The following OSBPL1A variants were observed in gnomAD, a reference collection of about 807,000 sequenced individuals.
The protein encoded by OSBPL1A is oxysterol-binding protein-related protein 1.
OSBPL1A carries 80 observed loss-of-function variants against 137.1 expected under a neutral mutation model. That is an observed-to-expected ratio of 0.58 (90% confidence interval 0.49 to 0.70). The LOEUF (loss-of-function observed/expected upper bound fraction) is 0.70, where lower values mean the gene tolerates loss of function less well. OSBPL1A is among the 30% of genes least tolerant of loss of function. The probability of loss-of-function intolerance (pLI) is 0.00; values close to 1 mark genes in which losing one functional copy is unlikely to be tolerated. For missense variants in OSBPL1A, 970 were observed against 1,129.4 expected (o/e 0.86, Z 2.02); for synonymous variants, 365 against 389.7 (o/e 0.94, Z 0.75).
intron 7 of OSBPL1A, among the ~76,000 whole-genome samples, chr18:24,332,108 G>A (rs1334673852): frequency 6.6e-6 from 1 of 152,024 alleles, no homozygotes; most frequent in Non-Finnish European, 1.5e-5. Flanking sequence ...AGGCATGGTG[G>A]CTTACATCTG....
chr18:24,358,368 G>C, intron 4 of OSBPL1A: 1 of 666,016 alleles, frequency 1.5e-6, no homozygotes, highest in Non-Finnish European at 2.7e-6. Flanking sequence ...CAGAAAGGCT[G>C]AGGCATCGCT....
In OSBPL1A at chr18:24,171,471, A is replaced by C. The variant is rs924168833; in HGVS notation, c.2229T>G (p.Phe743Leu). Residue 743 changes from phenylalanine (F) to leucine (L), a missense_variant, in exon 23 of 28, where the codon TTT (phenylalanine) becomes TTG (leucine). Transcript: ENST00000319481. ...CCTTACCAAAAAGGCCACATGGCTT[A>C]AAATTCAACACACATTTGTCCCCAG... ...HKTGDKCVLN[F>L]KPCGLFGKEL... 6.2e-7 allele frequency: 1 copy of C among 1,613,602 alleles called. No individual in the cohort carries two copies. Among genetic ancestry groups the C allele is most frequent in the Non-Finnish European group, 8.5e-7 (1 of 1,179,714 alleles).
rs2632427 is a variant in OSBPL1A, at chr18:24,293,742, G to C, written c.1174+9895C>G. Among the ~76,000 whole-genome samples, 422 of 152,244 alleles carry C rather than the reference G, an allele frequency of 2.8e-3. 3 individuals carry two copies. Among genetic ancestry groups the C allele is most frequent in the African/African-American group, 9.8e-3 (408 of 41,552 alleles). ...GAGGTGGGGGGCTGAGGGGTGGAAG[G>C]GGCTGGAAGGCTCTGCAGGTCATTA... On this transcript the variant is annotated intron_variant, in intron 14 of 27. Transcript: ENST00000319481.
chr18:24,373,073 G>GA (rs938224269), intron 2 of OSBPL1A, among the ~76,000 whole-genome samples: 77 of 151,652 alleles, frequency 5.1e-4, no homozygotes, highest in Non-Finnish European at 9.0e-4. Context: ...CTCAAAAAAA[G>GA]AAAAAAATTT....
chr18:24,168,341 T>C (rs1470707610), intron 24 of OSBPL1A, among the ~76,000 whole-genome samples: 1 of 152,170 alleles, frequency 6.6e-6, no homozygotes, highest in African/African-American at 2.4e-5. Flanking sequence ...AGGAACAATC[T>C]GAGAACAACA....
intron 17 of OSBPL1A, among the ~76,000 whole-genome samples, chr18:24,205,549 T>C (rs1291058209): frequency 6.6e-6 from 1 of 152,190 alleles, no homozygotes; most frequent in African/African-American, 2.4e-5. Context: ...ATATGGAAAT[T>C]GGTCAGTGAT....
chr18:24,271,982 G>GGGCGGGCGGCGGCAA lies in OSBPL1A; in HGVS notation c.1281+8845_1281+8859dup. On this transcript the variant is annotated intron_variant, in intron 15 of 27. Coordinates refer to ENST00000319481, the MANE Select transcript of OSBPL1A (RefSeq NM_080597.4). This position sits in a 1 kb window ranked among gnomAD's most constrained non-coding sequence, Gnocchi z 4.0. Reference sequence around the variant, plus strand: ...CCTCCGGGGCTCGCGGGGAGAGCGCGGGCGGGCGGCGGCAAGGCCTGCGGC... The same window carrying GGGCGGGCGGCGGCAA: ...CCTCCGGGGCTCGCGGGGAGAGCGCGGGCGGGCGGCGGCAAGGCGGGCGGCGGCAAGGCCTGCGGC... 1 of 981,892 alleles carries GGGCGGGCGGCGGCAA rather than the reference G, an allele frequency of 1.0e-6. No homozygotes were observed. Among genetic ancestry groups the GGGCGGGCGGCGGCAA allele is most frequent in the Non-Finnish European group, 1.2e-6 (1 of 828,710 alleles). 60.8% of individuals were successfully genotyped at this position (981,892 alleles called of 1,614,324 possible). A position where few individuals can be genotyped will look rare whatever the true frequency, so the allele number is the denominator to read the frequency against.
At chr18:24,268,814 C>T (rs979363858) in intron 15 of OSBPL1A, among the ~76,000 whole-genome samples, 3 of 152,186 alleles carry the variant, frequency 2.0e-5, no homozygotes, top group Non-Finnish European at 2.9e-5. Flanking sequence ...GTTCCTTTGA[C>T]CTCAATTACC....
intron 18 of OSBPL1A, among the ~76,000 whole-genome samples, chr18:24,186,032 C>A (rs1260425475): frequency 6.6e-6 from 1 of 152,130 alleles, no homozygotes; most frequent in Admixed American, 6.5e-5. Context: ...CGTGCCACTG[C>A]ATTCCAGCCT....
At chr18:24,243,256 C>A (rs915776875) in intron 15 of OSBPL1A, among the ~76,000 whole-genome samples, 1 of 152,234 alleles carries the variant, frequency 6.6e-6, no homozygotes, top group African/African-American at 2.4e-5. Context: ...TAAACAAGGA[C>A]TACAAAATTG....
At chr18:24,359,604 A>G (rs72886763) in intron 4 of OSBPL1A, among the ~76,000 whole-genome samples, 33,651 of 151,740 alleles carry the variant, frequency 0.22, 4,372 homozygotes, top group East Asian at 0.58. Flanking sequence ...TTGTGCCCAG[A>G]CGTTCAAGGC....
chr18:24,306,838 A>G (rs2090510313), intron 13 of OSBPL1A, among the ~76,000 whole-genome samples: 1 of 152,186 alleles, frequency 6.6e-6, no homozygotes, highest in African/African-American at 2.4e-5. Context: ...CAAACTTTAA[A>G]AATAATAGAT....
At chr18:24,283,313 T>TAC (rs377325493) in intron 14 of OSBPL1A, among the ~76,000 whole-genome samples, 50,918 of 129,824 alleles carry the variant, frequency 0.39, 11,715 homozygotes, top group Middle Eastern at 0.6. Context: ...TGTATATATA[T>TAC]ACACACACAC....
At chr18:24,185,437 A>T (rs1347790720) in intron 18 of OSBPL1A, among the ~76,000 whole-genome samples, 1 of 150,452 alleles carries the variant, frequency 6.6e-6, no homozygotes. Context: ...CTCCTGCCTC[A>T]GCCTCCCAAG....
chr18:24,337,400 A>ATAACATAACG (rs2091194160), intron 5 of OSBPL1A, among the ~76,000 whole-genome samples: 1 of 151,524 alleles, frequency 6.6e-6, no homozygotes, highest in African/African-American at 2.4e-5. Flanking sequence ...ATAACATAAC[A>ATAACATAACG]TAACATAACA....
chr18:24,350,882 G>A (rs965942613), intron 4 of OSBPL1A, among the ~76,000 whole-genome samples: 3 of 152,080 alleles, frequency 2.0e-5, no homozygotes, highest in Non-Finnish European at 2.9e-5. Flanking sequence ...AAGGCTGTGC[G>A]CCACCAAATG....
At chr18:24,258,195 T>C (rs905453032) in intron 15 of OSBPL1A, among the ~76,000 whole-genome samples, 5 of 152,102 alleles carry the variant, frequency 3.3e-5, no homozygotes, top group East Asian at 1.9e-4. Flanking sequence ...CTGTTCACAA[T>C]AGCCAAGATT....
At chr18:24,388,817 A>C (rs938246998) in intron 1 of OSBPL1A, among the ~76,000 whole-genome samples, 1 of 151,704 alleles carries the variant, frequency 6.6e-6, no homozygotes, top group South Asian at 2.1e-4. Flanking sequence ...AAAAAAAAAA[A>C]AAAACCAAAA....
At chr18:24,369,675 G>A (rs1439900002) in intron 2 of OSBPL1A, among the ~76,000 whole-genome samples, 1 of 152,128 alleles carries the variant, frequency 6.6e-6, no homozygotes, top group Non-Finnish European at 1.5e-5. Flanking sequence ...TGCCAGCAGT[G>A]TCCCTGGGAT....
Sources: allele counts gnomAD v4.1 joint callset (sites outside exome capture counted in the v4.1 genomes callset), GRCh38; gene constraint gnomAD v4.1.1; non-coding constraint Gnocchi (gnomAD v3.1); transcripts MANE v1.5; gene names NCBI Gene and HGNC (gene_info 2026-07-23, HGNC 2026-07-21).